Variants in C2CD3 observed in about 807,000 individuals in gnomAD.
C2CD3 encodes C2 domain containing 3 centriole elongation regulator.
A neutral mutation model predicts 234.0 loss-of-function variants in C2CD3; 148 were observed. That is an observed-to-expected ratio of 0.63 (90% CI 0.55 to 0.72). The LOEUF is 0.72. C2CD3 is among the 30% of genes least tolerant of loss of function. The pLI is 0.00. For synonymous variants in C2CD3, 1,000 were observed against 1,035.4 expected (o/e 0.97, Z 0.66); for missense variants, 2,577 against 2,811.5 (o/e 0.92, Z 1.89).
intron 24 of C2CD3, among the ~76,000 whole-genome samples, chr11:74,065,842 C>T (rs1398547415): frequency 7.0e-6 from 1 of 143,610 alleles, no homozygotes. Context: ...CATGTTTTCA[C>T]TCATAGGTGG....
intron 17 of C2CD3, 140 bp downstream of exon 17, chr11:74,095,088 C>A: frequency 2.4e-6 from 1 of 415,050 alleles, no homozygotes; most frequent in South Asian, 9.7e-5. Context: ...ATAAAAAAAA[C>A]TTGGCCTATC....
chr11:74,035,611 C>T (rs1591299444), intron 30 of C2CD3, among the ~76,000 whole-genome samples: 3 of 152,240 alleles, frequency 2.0e-5, no homozygotes, highest in Admixed American at 2.0e-4. Flanking sequence ...CTCAGTAACT[C>T]TCTCAAGTTT....
At position 74,013,339 on chromosome 11, in the gene C2CD3, C is replaced by A; in HGVS notation, c.*46G>T. The A allele has an allele frequency of 1.7e-6, 1 of 603,484 alleles. No individual in the cohort carries two copies. The highest frequency in any genetic ancestry group is 2.6e-6 in the Non-Finnish European group (1 of 380,128). 37.4% of individuals were successfully genotyped at this position (603,484 alleles called of 1,614,324 possible). On this transcript the variant is annotated 3_prime_UTR_variant, in exon 33 of 33. Coordinates refer to ENST00000334126, the MANE Select transcript of C2CD3 (RefSeq NM_001286577.2). ...CCTCCTGCAAGCTGGACAAAGCTGACGGAGGGTGGGCAGGTGTCTCCTTCC... is the reference window on the plus strand; with the variant it reads ...CCTCCTGCAAGCTGGACAAAGCTGAAGGAGGGTGGGCAGGTGTCTCCTTCC...
chr11:74,091,355 C>A (rs1955887125), intron 19 of C2CD3: 1 of 156,098 alleles, frequency 6.4e-6, no homozygotes, highest in African/African-American at 2.4e-5. Context: ...TCTCATGCTA[C>A]CTTTTTATAA....
At position 74,140,021 on chromosome 11, in the gene C2CD3, C is replaced by G. The variant is rs879936082; in HGVS notation, c.484-193G>C. Among the ~76,000 whole-genome samples, 29 of 112,622 alleles carry G rather than the reference C, an allele frequency of 2.6e-4. 2 individuals carry two copies. The highest frequency in any genetic ancestry group is 4.1e-3 in the Middle Eastern group (1 of 242). 73.9% of individuals were successfully genotyped at this position (112,622 alleles called of 152,430 possible). A position where few individuals can be genotyped will look rare whatever the true frequency, so the allele number is the denominator to read the frequency against. On this transcript the variant is annotated intron_variant, in intron 3 of 32. Coordinates refer to ENST00000334126, the MANE Select transcript of C2CD3 (RefSeq NM_001286577.2). Reference sequence around the variant, plus strand: ...TGTAAGGAATGTCCCCCATTCCCTACAGGATTGTAAGGAATGTCCCCCATT... The same window carrying G: ...TGTAAGGAATGTCCCCCATTCCCTAGAGGATTGTAAGGAATGTCCCCCATT...
chr11:74,039,647 C>G (rs1952923691), intron 29 of C2CD3, among the ~76,000 whole-genome samples: 1 of 152,140 alleles, frequency 6.6e-6, no homozygotes, highest in Non-Finnish European at 1.5e-5. Flanking sequence ...TATTGTCCCT[C>G]AGGATACACT....
chr11:74,114,338 A>G, intron 10 of C2CD3, 46 bp downstream of exon 10: 1 of 1,334,152 alleles, frequency 7.5e-7, no homozygotes, highest in African/African-American at 1.4e-5. Context: ...CATCAGACAC[A>G]CTTTCCAAAA....
At chr11:74,078,818 G>C in intron 22 of C2CD3, 101 bp from the exon 23 acceptor site, 1 of 1,123,394 alleles carries the variant, frequency 8.9e-7, no homozygotes, top group Non-Finnish European at 1.2e-6. Flanking sequence ...CCTGGCTCAA[G>C]ACAGAACAGA....
Position 74,123,060 on chromosome 11 carries a change from C to T in C2CD3, c.1293G>A (p.Val431=), listed in dbSNP as rs1247550635. ...GGTCATTCAGCTCACTGATGCAATA[C>T]ACATCACTCCCAGGAGATGGGGAAT... is the stretch of plus-strand genomic sequence containing the variant. The part of the protein sequence containing the change: ...PPDSPSPGSD[V]YCISELNDPQ... Residue 431 remains valine, a synonymous_variant, in exon 8 of 33, where the codon GTG becomes GTA. Coordinates refer to ENST00000334126, the MANE Select transcript of C2CD3 (RefSeq NM_001286577.2). The T allele has an allele frequency of 6.2e-7, 1 of 1,611,284 alleles. No individual in the cohort carries two copies.
intron 5 of C2CD3, 157 bp from the exon 6 acceptor site, chr11:74,133,714 T>A (rs1159912760): frequency 1.4e-6 from 1 of 690,614 alleles, no homozygotes; most frequent in Non-Finnish European, 2.4e-6. Flanking sequence ...CTTGAGGACA[T>A]TTACGCAAAA....
Position 74,103,545 on chromosome 11 carries a change from T to C in C2CD3, c.2166A>G (p.Pro722=), listed in dbSNP as rs779827045. ...TKLSGNTHYT[P]LCAPTSPNKA... ...TATTTGGACTTGTAGGAGCACAAAG[T>C]GGGGTATAATGGGTGTTGCCACTTA... The change falls in exon 14 of 33, where the codon CCA becomes CCG. Residue 722 remains proline (P), a synonymous_variant. Transcript: ENST00000334126. 4.3e-6 allele frequency: 7 copies of C among 1,613,922 alleles called. No homozygotes were observed. The South Asian group carries it at 7.7e-5, about 18-fold the overall frequency.
chr11:74,029,777 C>T (rs1224880162), intron 31 of C2CD3, among the ~76,000 whole-genome samples: 1 of 152,166 alleles, frequency 6.6e-6, no homozygotes, highest in Non-Finnish European at 1.5e-5. Context: ...TTTTTTGAAA[C>T]AGGGTCTCAC....
chr11:74,014,645 G>T (rs1483154841), intron 32 of C2CD3, among the ~76,000 whole-genome samples: 1 of 152,228 alleles, frequency 6.6e-6, no homozygotes, highest in Non-Finnish European at 1.5e-5. Flanking sequence ...GAGGGGCGCA[G>T]AAATAAACAG....
In C2CD3 at chr11:74,139,826, G is replaced by A; in HGVS notation, c.486C>T (p.Val162=). ...STSKKLGELQ[V]SLALEPLSET... ...CTGACAGAGGTTCCAGGGCAAGTGA[G>A]ACCTAAGAGAGACAGGTAGTATATG... The change falls in exon 4 of 33, where the codon GTC becomes GTT. Residue 162 remains valine, a splice_region_variant and synonymous_variant. Coordinates refer to ENST00000334126, the MANE Select transcript of C2CD3 (RefSeq NM_001286577.2). 1 of 1,591,538 alleles carries A rather than the reference G, an allele frequency of 6.3e-7. No homozygotes were observed. The highest frequency in any genetic ancestry group is 8.6e-7 in the Non-Finnish European group (1 of 1,159,570).
chr11:74,033,935 A>G lies in C2CD3; in HGVS notation c.6225T>C (p.Asn2075=), dbSNP rs149818278. ...TTTTGTCTGTCACCGTGGTGATCTC[A>G]TTTAAGGTCCTGGGCTCAATGATGT... ...EEDIIEPRTL[N]EITTVTDKTS... The change falls in exon 31 of 33, where the codon AAT becomes AAC. Residue 2075 remains asparagine (N), a synonymous_variant. Coordinates refer to ENST00000334126, the MANE Select transcript of C2CD3 (RefSeq NM_001286577.2). 1 of 1,532,178 alleles carries G rather than the reference A, an allele frequency of 6.5e-7. No homozygotes were observed. Among genetic ancestry groups the G allele is most frequent in the South Asian group, 1.2e-5 (1 of 83,958 alleles). 94.9% of individuals were successfully genotyped at this position (1,532,178 alleles called of 1,614,324 possible). A position where few individuals can be genotyped will look rare whatever the true frequency, so the allele number is the denominator to read the frequency against.
At chr11:74,151,974 T>G (rs546415775) in intron 3 of C2CD3, among the ~76,000 whole-genome samples, 1 of 152,242 alleles carries the variant, frequency 6.6e-6, no homozygotes, top group African/African-American at 2.4e-5. Flanking sequence ...CACAAGATGA[T>G]TAATGAACTT....
At chr11:74,106,534 G>A (rs752324067) in intron 12 of C2CD3, 41 bp from the exon 13 acceptor site, 1 of 1,586,952 alleles carries the variant, frequency 6.3e-7, no homozygotes, top group Non-Finnish European at 8.6e-7. Context: ...TAATTAAAGA[G>A]AAGCCACAGG....
chr11:74,020,006 G>T (rs187623507), intron 32 of C2CD3, among the ~76,000 whole-genome samples: 87 of 152,280 alleles, frequency 5.7e-4, no homozygotes, highest in Non-Finnish European at 9.7e-4. Context: ...AAAACTCAAG[G>T]TTTTAAGGGT....
intron 3 of C2CD3, among the ~76,000 whole-genome samples, chr11:74,155,015 T>G (rs964167230): frequency 2.6e-5 from 4 of 152,354 alleles, no homozygotes; most frequent in South Asian, 2.1e-4. Flanking sequence ...ACCCTGCTTA[T>G]AGCCAGCAAA....
Sources: gnomAD v4.1 joint callset for allele counts (sites outside exome capture counted in the v4.1 genomes callset) on GRCh38, gnomAD v4.1.1 for gene constraint, MANE v1.5 for transcripts, NCBI Gene and HGNC (gene_info 2026-07-23, HGNC 2026-07-21) for gene names.